MRTFB: variants seen among roughly 807,000 people sequenced by gnomAD.
MRTFB encodes myocardin related transcription factor B.
Under a neutral mutation model 104.2 loss-of-function variants are expected in MRTFB, and 29 were observed. That is an observed-to-expected ratio of 0.28 (90% CI 0.21 to 0.38). The LOEUF is 0.38. Among genes scored for constraint, MRTFB ranks in the 10% least tolerant of loss-of-function variants. The pLI is 1.00. For synonymous variants in MRTFB, 535 were observed against 519.5 expected (o/e 1.03, Z -0.41); for missense variants, 1,270 against 1,341.6 (o/e 0.95, Z 0.83).
intron 2 of MRTFB, among the ~76,000 whole-genome samples, chr16:14,091,176 C>T (rs2035043335): frequency 6.6e-6 from 1 of 152,026 alleles, no homozygotes; most frequent in East Asian, 1.9e-4. Context: ...GTCCAGGTGA[C>T]AGTTGATGAG....
At chr16:14,105,820 G>A (rs903672439) in intron 2 of MRTFB, among the ~76,000 whole-genome samples, 6 of 152,188 alleles carry the variant, frequency 3.9e-5, no homozygotes, top group Non-Finnish European at 5.9e-5. Flanking sequence ...TCTTAAAGAC[G>A]TAAAGTTAAA....
chr16:14,013,894 G>A, the MRTFB span, among the ~76,000 whole-genome samples: 1 of 152,178 alleles, frequency 6.6e-6, no homozygotes, highest in Non-Finnish European at 1.5e-5. Context: ...ATTACCTCCT[G>A]ATCTTGCCTC....
At chr16:14,151,998 T>A (rs972523426) in intron 3 of MRTFB, 1 of 152,176 alleles carries the variant, frequency 6.6e-6, no homozygotes, top group Admixed American at 6.5e-5. Flanking sequence ...TTTCTCCTTA[T>A]GTGCTTGTTC....
Position 14,137,214 on chromosome 16 carries a change from A to G in MRTFB, c.-63-3330A>G, listed in dbSNP as rs1290536627. Among the ~76,000 whole-genome samples, 3 of 152,206 alleles carry G rather than the reference A, an allele frequency of 2.0e-5. No homozygotes were observed. In the East Asian group the frequency reaches 5.8e-4, roughly 29 times the overall value. On this transcript the variant is annotated intron_variant, in intron 2 of 16. Coordinates refer to ENST00000571589, the MANE Select transcript of MRTFB (RefSeq NM_001308142.2). The stretch of plus-strand genomic sequence containing the variant: ...GTGACAGCTTGCAAAATGTCAGAGT[A>G]GATTAGTCTATACCCTCTCAAAAAT...
the MRTFB span, among the ~76,000 whole-genome samples, chr16:14,017,705 ATATATATTTTT>A: frequency 3.5e-5 from 1 of 28,262 alleles, no homozygotes; most frequent in South Asian, 2.0e-3. Flanking sequence ...ATATATATAT[ATATATATTTTT>A]TTTTTTTTTT....
At chr16:14,191,189 T>A (rs2040165904) in intron 3 of MRTFB, among the ~76,000 whole-genome samples, 2 of 152,198 alleles carry the variant, frequency 1.3e-5, no homozygotes, top group South Asian at 4.1e-4. Flanking sequence ...TGAAATAAAT[T>A]GTTTTAAAAA....
chr16:14,142,758 T>TG (rs2038077310), intron 3 of MRTFB: 1 of 152,196 alleles, frequency 6.6e-6, no homozygotes, highest in Non-Finnish European at 1.5e-5. Flanking sequence ...TCTTCTGTAA[T>TG]GGGGAGGGAA....
At chr16:14,072,001 C>T (rs1441772435) in intron 1 of MRTFB, among the ~76,000 whole-genome samples, 1 of 152,276 alleles carries the variant, frequency 6.6e-6, no homozygotes, top group South Asian at 2.1e-4. Context: ...CATTGTTTGG[C>T]CCTGCTTGGA....
intron 3 of MRTFB, chr16:14,187,115 T>C: frequency 8.5e-7 from 1 of 1,173,232 alleles, no homozygotes. Context: ...TCTGTTACCA[T>C]GCTATGTGTC....
At chr16:14,189,613 G>A (rs2040087045) in intron 3 of MRTFB, among the ~76,000 whole-genome samples, 1 of 152,130 alleles carries the variant, frequency 6.6e-6, no homozygotes, top group Non-Finnish European at 1.5e-5. Flanking sequence ...TATATCAACA[G>A]TGGTTTTCTA....
At chr16:14,005,788 A>G in the MRTFB span, among the ~76,000 whole-genome samples, 1 of 152,210 alleles carries the variant, frequency 6.6e-6, no homozygotes, top group Non-Finnish European at 1.5e-5. Context: ...CCCCCAATTC[A>G]TCCATCAAAT....
the MRTFB span, among the ~76,000 whole-genome samples, chr16:14,060,764 G>C: frequency 6.6e-6 from 1 of 151,998 alleles, no homozygotes; most frequent in African/African-American, 2.4e-5. Flanking sequence ...ATGTTCAAGG[G>C]AATCAGTGAG....
intron 8 of MRTFB, among the ~76,000 whole-genome samples, chr16:14,231,631 G>A (rs2042272945): frequency 6.6e-6 from 1 of 151,548 alleles, no homozygotes; most frequent in African/African-American, 2.4e-5. Flanking sequence ...AGAACATGCA[G>A]TATTTGGTTT....
chr16:14,213,451 G>A (rs2041282790), intron 5 of MRTFB, 94 bp from the exon 6 acceptor site: 3 of 799,436 alleles, frequency 3.8e-6, no homozygotes, highest in South Asian at 1.8e-5. Flanking sequence ...ATGACCATAA[G>A]CGTATCGTTT....
intron 3 of MRTFB, among the ~76,000 whole-genome samples, chr16:14,204,703 GATC>G (rs1232942755): frequency 6.6e-6 from 1 of 152,106 alleles, no homozygotes; most frequent in African/African-American, 2.4e-5. Flanking sequence ...AGAGATGAAA[GATC>G]ATAATTCAAT....
intron 12 of MRTFB, 105 bp downstream of exon 12, chr16:14,247,612 C>T (rs2043079080): frequency 1.9e-6 from 2 of 1,034,668 alleles, no homozygotes; most frequent in Non-Finnish European, 2.7e-6. Context: ...GCGTCCAGAG[C>T]AGACCCCACG....
the MRTFB span, among the ~76,000 whole-genome samples, chr16:14,025,225 G>A: frequency 1.6e-4 from 24 of 152,168 alleles, no homozygotes; most frequent in Admixed American, 1.1e-3. Flanking sequence ...TTGCCTCCCA[G>A]GCTGAAGTGC....
chr16:14,021,515 GC>G, the MRTFB span, among the ~76,000 whole-genome samples: 2 of 152,092 alleles, frequency 1.3e-5, no homozygotes, highest in African/African-American at 4.8e-5. Flanking sequence ...ATTTTGGTGT[GC>G]CCATCAACCA....
intron 3 of MRTFB, among the ~76,000 whole-genome samples, chr16:14,203,658 C>T (rs1193533288): frequency 6.6e-6 from 1 of 151,604 alleles, no homozygotes; most frequent in Non-Finnish European, 1.5e-5. Flanking sequence ...AACAGATTAG[C>T]CGGGCATGGT....
Sources: allele counts gnomAD v4.1 joint callset (sites outside exome capture counted in the v4.1 genomes callset), GRCh38; gene constraint gnomAD v4.1.1; transcripts MANE v1.5; gene names NCBI Gene and HGNC (gene_info 2026-07-23, HGNC 2026-07-21).